RANBP2: variants seen among roughly 807,000 people sequenced by gnomAD.
The protein encoded by RANBP2 is RAN binding protein 2, also known as E3 SUMO-protein ligase RanBP2.
A neutral mutation model predicts 303.6 loss-of-function variants in RANBP2; 57 were observed. The observed-to-expected ratio is 0.19, with a 90% CI of 0.15 to 0.23. The LOEUF (loss-of-function observed/expected upper bound fraction) is 0.23. Ranked by LOEUF, RANBP2 falls within the 10% of genes least tolerant of loss-of-function variation. The probability of loss-of-function intolerance (pLI) is 1.00; values close to 1 mark genes in which losing one functional copy is unlikely to be tolerated. For missense variants in RANBP2, 3,138 were observed against 3,780.8 expected (o/e 0.83, Z 4.46); for synonymous variants, 1,167 against 1,301.5 (o/e 0.90, Z 2.23).
the RANBP2 span, among the ~76,000 whole-genome samples, chr2:109,289,827 A>C: frequency 6.6e-6 from 1 of 152,172 alleles, no homozygotes; most frequent in Non-Finnish European, 1.5e-5. Flanking sequence ...CGGGAAATCA[A>C]CTAACTTTCT....
chr2:109,302,102 C>T, the RANBP2 span, among the ~76,000 whole-genome samples: 4 of 152,172 alleles, frequency 2.6e-5, no homozygotes, highest in Non-Finnish European at 5.9e-5. Context: ...CCACTGCAAT[C>T]GATAGCAGAG....
the RANBP2 span, among the ~76,000 whole-genome samples, chr2:109,122,739 C>CA: frequency 3.9e-5 from 6 of 152,130 alleles, no homozygotes; most frequent in Admixed American, 6.5e-5. Context: ...GACATGGTGG[C>CA]ATGTGCCTGT....
At chr2:109,513,457 CAT>C in the RANBP2 span, among the ~76,000 whole-genome samples, 1 of 151,860 alleles carries the variant, frequency 6.6e-6, no homozygotes, top group Admixed American at 6.6e-5. Context: ...CACACGTGCA[CAT>C]ATAGACACTC....
the RANBP2 span, among the ~76,000 whole-genome samples, chr2:108,954,745 G>A: frequency 1.3e-5 from 2 of 151,366 alleles, no homozygotes; most frequent in African/African-American, 2.4e-5. Context: ...GCGTGATCTC[G>A]GCTCACTGCA....
chr2:109,045,186 G>T, the RANBP2 span, among the ~76,000 whole-genome samples: 398 of 152,220 alleles, frequency 2.6e-3, 15 homozygotes, highest in East Asian at 0.065. Context: ...AAGAGTCGAA[G>T]GTGTTGAAGA....
chr2:109,696,783 A>C, the RANBP2 span, among the ~76,000 whole-genome samples: 1 of 152,070 alleles, frequency 6.6e-6, no homozygotes, highest in Non-Finnish European at 1.5e-5. Flanking sequence ...CATTTATATA[A>C]ATCTTTTTTT....
chr2:108,802,606 C>T, the RANBP2 span, among the ~76,000 whole-genome samples: 135,505 of 136,228 alleles, frequency 0.99, 67,402 homozygotes, highest in Middle Eastern at 1. Context: ...CTTTTCCTAA[C>T]TGAATACCTT....
At chr2:109,325,485 C>T in the RANBP2 span, among the ~76,000 whole-genome samples, 1 of 151,882 alleles carries the variant, frequency 6.6e-6, no homozygotes, top group African/African-American at 2.4e-5. Flanking sequence ...GGACTACAGG[C>T]ATGTGCCACC....
chr2:108,896,852 G>A, the RANBP2 span: 5 of 1,552,060 alleles, frequency 3.2e-6, no homozygotes, highest in Non-Finnish European at 3.5e-6. Flanking sequence ...CACAGCTCCA[G>A]AGCCCTCGTT....
the RANBP2 span, among the ~76,000 whole-genome samples, chr2:109,225,061 C>CT: frequency 6.6e-6 from 1 of 152,096 alleles, no homozygotes; most frequent in East Asian, 1.9e-4. Context: ...TTTTTGACAC[C>CT]TGGCCTGGAG....
chr2:109,205,051 A>T, the RANBP2 span, among the ~76,000 whole-genome samples: 1,022 of 152,182 alleles, frequency 6.7e-3, 12 homozygotes, highest in African/African-American at 0.024. Context: ...CTACAAAACT[A>T]AAAATATTAA....
chr2:109,185,900 G>A, the RANBP2 span, among the ~76,000 whole-genome samples: 1 of 152,236 alleles, frequency 6.6e-6, no homozygotes, highest in Non-Finnish European at 1.5e-5. Context: ...TGGTGTGGAT[G>A]CATCCTCCCC....
the RANBP2 span, among the ~76,000 whole-genome samples, chr2:109,496,997 G>A: frequency 6.6e-6 from 1 of 152,164 alleles, no homozygotes; most frequent in Admixed American, 6.5e-5. Context: ...GCAGCTTCTA[G>A]CAACTGGAAA....
At chr2:109,113,162 T>A in the RANBP2 span, among the ~76,000 whole-genome samples, 1 of 152,166 alleles carries the variant, frequency 6.6e-6, no homozygotes, top group Admixed American at 6.5e-5. Context: ...TTTTTCCGAT[T>A]CTGTGAAGAA....
At chr2:108,816,128 T>A in the RANBP2 span, 1 of 1,539,086 alleles carries the variant, frequency 6.5e-7, no homozygotes, top group Non-Finnish European at 8.9e-7. Context: ...ATTTGAAATA[T>A]GTGATTCAGA....
At chr2:109,419,595 G>A in the RANBP2 span, 5 of 1,596,908 alleles carry the variant, frequency 3.1e-6, no homozygotes, top group Admixed American at 8.7e-5. Context: ...CTGCCTCGGT[G>A]TCTGGAGAGC....
At chr2:108,884,279 G>T in the RANBP2 span, 1 of 152,174 alleles carries the variant, frequency 6.6e-6, no homozygotes, top group African/African-American at 2.4e-5. Flanking sequence ...GGACCATGGT[G>T]CCTGGTCTCC....
At chr2:109,233,121 C>T in the RANBP2 span, among the ~76,000 whole-genome samples, 7 of 152,202 alleles carry the variant, frequency 4.6e-5, no homozygotes, top group Admixed American at 2.0e-4. Context: ...ATTAATGCTC[C>T]TTTAGCAGTT....
chr2:109,296,845 G>A, the RANBP2 span, among the ~76,000 whole-genome samples: 6 of 152,256 alleles, frequency 3.9e-5, no homozygotes, highest in East Asian at 1.9e-4. Context: ...CCCCCAAGGC[G>A]TCTCACCTCC....
Sources: allele counts gnomAD v4.1 joint callset (sites outside exome capture counted in the v4.1 genomes callset), GRCh38; gene constraint gnomAD v4.1.1; transcripts MANE v1.5; gene names NCBI Gene and HGNC (gene_info 2026-07-23, HGNC 2026-07-21).